The following TENM3 variants were observed in gnomAD, a reference collection of about 807,000 sequenced individuals.
TENM3 encodes the protein teneurin-3.
TENM3 carries 63 observed loss-of-function variants against 255.1 expected under a neutral mutation model. The ratio of observed to expected loss-of-function variants is 0.25; its 90% CI spans 0.20 to 0.30. TENM3 has a LOEUF of 0.30. Ranked by LOEUF, TENM3 falls within the 10% of genes least tolerant of loss-of-function variation. The pLI is 1.00. For synonymous variants in TENM3, 1,306 were observed against 1,322.3 expected (o/e 0.99, Z 0.27); for missense variants, 2,929 against 3,461.1 (o/e 0.85, Z 3.86).
At chr4:182,215,260 G>A (rs780061026) in intron 1 of TENM3, among the ~76,000 whole-genome samples, 1 of 152,262 alleles carries the variant, frequency 6.6e-6, no homozygotes, top group African/African-American at 2.4e-5. Flanking sequence ...AAAGTGTTGT[G>A]CAAGTGACTG....
chr4:181,841,126 T>C, the TENM3 span, among the ~76,000 whole-genome samples: 1 of 152,248 alleles, frequency 6.6e-6, no homozygotes, highest in African/African-American at 2.4e-5. Flanking sequence ...TGTAGATATA[T>C]GTGTATAGGG....
chr4:182,764,474 T>G (rs1442486335), intron 22 of TENM3, among the ~76,000 whole-genome samples: 1 of 152,086 alleles, frequency 6.6e-6, no homozygotes, highest in Non-Finnish European at 1.5e-5. Context: ...CAGAGGAGGA[T>G]CATCTAAATC....
the TENM3 span, among the ~76,000 whole-genome samples, chr4:181,720,737 C>G: frequency 6.6e-6 from 1 of 151,538 alleles, no homozygotes; most frequent in Non-Finnish European, 1.5e-5. Context: ...TTTGAAACAG[C>G]CAAAAGTTAT....
At chr4:181,702,958 T>C in the TENM3 span, among the ~76,000 whole-genome samples, 4 of 152,204 alleles carry the variant, frequency 2.6e-5, no homozygotes, top group Admixed American at 6.5e-5. Context: ...GCATTAACTA[T>C]ATGCTAAGTA....
At chr4:182,012,467 C>T in the TENM3 span, among the ~76,000 whole-genome samples, 11 of 152,060 alleles carry the variant, frequency 7.2e-5, no homozygotes, top group South Asian at 2.1e-4. Context: ...AAGGGATGGA[C>T]GTAAAGAACG....
At chr4:182,345,103 A>G (rs1764722329) in intron 2 of TENM3, among the ~76,000 whole-genome samples, 1 of 152,178 alleles carries the variant, frequency 6.6e-6, no homozygotes, top group African/African-American at 2.4e-5. Context: ...TAATTGTAGC[A>G]ACTGATTTTC....
chr4:182,635,133 C>T (rs1039710464), intron 5 of TENM3, among the ~76,000 whole-genome samples: 1 of 152,106 alleles, frequency 6.6e-6, no homozygotes, highest in African/African-American at 2.4e-5. Context: ...TGTACATGAA[C>T]TTTTTAAGGA....
chr4:181,568,439 C>T, the TENM3 span, among the ~76,000 whole-genome samples: 1 of 152,080 alleles, frequency 6.6e-6, no homozygotes, highest in African/African-American at 2.4e-5. Context: ...TGATCCACCC[C>T]TCATCCTCCC....
intron 13 of TENM3, among the ~76,000 whole-genome samples, chr4:182,717,473 A>G (rs1759295816): frequency 6.6e-6 from 1 of 152,184 alleles, no homozygotes; most frequent in Non-Finnish European, 1.5e-5. Context: ...TACCCGTAAT[A>G]AGGGCCCTGA....
intron 7 of TENM3, among the ~76,000 whole-genome samples, chr4:182,673,980 A>T (rs1475766913): frequency 6.6e-6 from 1 of 152,230 alleles, no homozygotes; most frequent in Admixed American, 6.5e-5. Flanking sequence ...TATAGGTTTC[A>T]TCATCTCTAA....
At chr4:181,803,090 A>G in the TENM3 span, among the ~76,000 whole-genome samples, 1 of 152,138 alleles carries the variant, frequency 6.6e-6, no homozygotes, top group African/African-American at 2.4e-5. Flanking sequence ...TAACCATCAC[A>G]TTTCTATTAC....
chr4:181,456,873 TTTAA>T, the TENM3 span, among the ~76,000 whole-genome samples: 74,084 of 151,088 alleles, frequency 0.49, 18,556 homozygotes, highest in African/African-American at 0.56. Context: ...AAATACAAAA[TTTAA>T]TTAAGAACTA....
chr4:181,495,148 C>T, the TENM3 span, among the ~76,000 whole-genome samples: 1 of 152,224 alleles, frequency 6.6e-6, no homozygotes, highest in Non-Finnish European at 1.5e-5. Flanking sequence ...ATTATCAAGA[C>T]AAACAGGTTC....
At chr4:182,493,044 A>T (rs1010338960) in intron 3 of TENM3, among the ~76,000 whole-genome samples, 1 of 152,160 alleles carries the variant, frequency 6.6e-6, no homozygotes, top group Non-Finnish European at 1.5e-5. Flanking sequence ...CATCTTAAGA[A>T]GGACAATTAG....
At chr4:181,520,407 C>T in the TENM3 span, among the ~76,000 whole-genome samples, 1,557 of 152,074 alleles carry the variant, frequency 0.01, 14 homozygotes, top group Middle Eastern at 0.037. Context: ...CATGGGGTAC[C>T]TGCGTGTGTG....
the TENM3 span, among the ~76,000 whole-genome samples, chr4:181,963,133 T>C: frequency 6.6e-6 from 1 of 152,186 alleles, no homozygotes; most frequent in Non-Finnish European, 1.5e-5. Context: ...ATTACCACTG[T>C]AGCAAGAGAA....
chr4:182,755,836 C>T (rs1032753743), intron 22 of TENM3, among the ~76,000 whole-genome samples: 5 of 151,198 alleles, frequency 3.3e-5, no homozygotes, highest in African/African-American at 9.7e-5. Context: ...AGCGAGACTC[C>T]GCCTCAAAAA....
chr4:181,474,414 G>C, the TENM3 span, among the ~76,000 whole-genome samples: 1 of 151,914 alleles, frequency 6.6e-6, no homozygotes, highest in Admixed American at 6.6e-5. Context: ...ATATTGAATG[G>C]GAAATTTTGG....
the TENM3 span, among the ~76,000 whole-genome samples, chr4:181,566,630 A>G: frequency 6.6e-6 from 1 of 152,134 alleles, no homozygotes; most frequent in Admixed American, 6.5e-5. Flanking sequence ...GTAACTGTCC[A>G]TGCAGCGACC....
Sources: gnomAD v4.1 joint callset for allele counts (sites outside exome capture counted in the v4.1 genomes callset) on GRCh38, gnomAD v4.1.1 for gene constraint, MANE v1.5 for transcripts, NCBI Gene and HGNC (gene_info 2026-07-23, HGNC 2026-07-21) for gene names.